The following PIP5K1B variants were observed in gnomAD, a reference collection of about 807,000 sequenced individuals.
The protein encoded by PIP5K1B is phosphatidylinositol 4-phosphate 5-kinase type-1 beta.
PIP5K1B carries 42 observed loss-of-function variants against 67.0 expected under a neutral mutation model. The observed-to-expected ratio is 0.63, with a 90% CI of 0.49 to 0.81. PIP5K1B has a LOEUF of 0.81. PIP5K1B is among the 30% of genes least tolerant of loss of function. The pLI is 0.00. For missense variants in PIP5K1B, 459 were observed against 646.3 expected, an observed-to-expected ratio of 0.71 and a Z score of 3.14; for synonymous variants, 214 against 231.4, an observed-to-expected ratio of 0.92 and a Z score of 0.68.
At chr9:68,715,621 C>T (rs945536625) in intron 1 of PIP5K1B, among the ~76,000 whole-genome samples, 1 of 152,162 alleles carries the variant, frequency 6.6e-6, no homozygotes, top group Non-Finnish European at 1.5e-5. Flanking sequence ...GTTTCCTCGC[C>T]CCCACCAGCT....
chr9:68,903,644 G>C (rs941526957), intron 8 of PIP5K1B, among the ~76,000 whole-genome samples: 5 of 152,164 alleles, frequency 3.3e-5, no homozygotes, highest in African/African-American at 1.2e-4. Context: ...TGAGCTGCTG[G>C]CAGCAACAGA....
intron 12 of PIP5K1B, 112 bp from the exon 13 acceptor site, chr9:68,934,778 T>C: frequency 1.4e-6 from 1 of 717,148 alleles, no homozygotes; most frequent in East Asian, 3.2e-5. Flanking sequence ...TCTTGTCTTC[T>C]ATTCAAATAA....
At chr9:69,000,111 A>G (rs1049496625) in intron 15 of PIP5K1B, among the ~76,000 whole-genome samples, 3 of 152,092 alleles carry the variant, frequency 2.0e-5, no homozygotes, top group African/African-American at 4.8e-5. Context: ...CCCCTCATCC[A>G]TCAAGGCCAG....
At chr9:68,809,181 AAACTATGT>A (rs1833027878) in intron 2 of PIP5K1B, among the ~76,000 whole-genome samples, 1 of 152,220 alleles carries the variant, frequency 6.6e-6, no homozygotes, top group Non-Finnish European at 1.5e-5. Flanking sequence ...TCTGCTTTGG[AAACTATGT>A]TAAGGATTGT....
chr9:68,940,423 G>A (rs1294157982), intron 13 of PIP5K1B, among the ~76,000 whole-genome samples: 4 of 151,926 alleles, frequency 2.6e-5, no homozygotes, highest in African/African-American at 9.7e-5. Context: ...ATTTCCATGA[G>A]CCATTTTGTA....
Position 68,840,581 on chromosome 9 carries a change from C to G in PIP5K1B, c.69+17898C>G, listed in dbSNP as rs547042057. The stretch of plus-strand genomic sequence containing the variant: ...CCTTATGGAGGCTCTAGGAGAGAAG[C>G]CTTTTCCACAGGGGCCACTTACATT... On this transcript the variant is annotated intron_variant, in intron 4 of 15. Transcript: ENST00000265382. 2.0e-5 allele frequency among the ~76,000 whole-genome samples: 3 copies of G among 152,280 alleles called. No homozygotes were observed. The East Asian group carries it at 5.8e-4, about 29-fold the overall frequency.
intron 2 of PIP5K1B, 24 bp downstream of exon 2, chr9:68,742,681 T>A (rs2132321133): frequency 6.6e-6 from 1 of 152,318 alleles, no homozygotes; most frequent in East Asian, 1.9e-4. Context: ...AAATACCTAT[T>A]TTAAAGCAGT....
chr9:68,756,333 T>C (rs976786473), intron 2 of PIP5K1B, among the ~76,000 whole-genome samples: 6 of 152,242 alleles, frequency 3.9e-5, no homozygotes, highest in African/African-American at 1.4e-4. Context: ...TATTCTTATT[T>C]TGTCAGCTTG....
Position 68,708,445 on chromosome 9 carries a change from G to C in PIP5K1B, c.-243+2683G>C, listed in dbSNP as rs1312982183. 5.3e-5 allele frequency among the ~76,000 whole-genome samples: 8 copies of C among 152,178 alleles called. No homozygotes were observed. The South Asian group carries it at 1.7e-3, about 32-fold the overall frequency. On this transcript the variant is annotated intron_variant, in intron 1 of 15. Transcript: ENST00000265382. ...GAAGCTGGCGGGTACAGAGCCCATT[G>C]TTGCTCTCTTTTCTGAAGGCATCAT...
intron 4 of PIP5K1B, among the ~76,000 whole-genome samples, chr9:68,835,091 C>G (rs1834530492): frequency 6.6e-6 from 1 of 152,182 alleles, no homozygotes; most frequent in Admixed American, 6.5e-5. Flanking sequence ...AGTCAATGCC[C>G]TTTTCTTTGT....
intron 15 of PIP5K1B, 131 bp downstream of exon 15, chr9:68,991,388 CT>C (rs1564299480): frequency 1.6e-6 from 1 of 618,572 alleles, no homozygotes; most frequent in Non-Finnish European, 2.9e-6. Context: ...CGCCCTTTCA[CT>C]TCTGCAAATG....
chr9:68,867,279 G>A (rs1277831349), intron 5 of PIP5K1B, among the ~76,000 whole-genome samples: 2 of 152,220 alleles, frequency 1.3e-5, no homozygotes, highest in Non-Finnish European at 2.9e-5. Flanking sequence ...ACCCTGGCAG[G>A]TGCCGGCCTC....
In PIP5K1B at chr9:68,896,073, C is replaced by T. The variant is rs559386954; in HGVS notation, c.771+1435C>T. ...ACCAAGCAAACAGACGAACAAAAAACGTCCAGCAGATATTCAGATATCTGA... is the reference window on the plus strand; with the variant it reads ...ACCAAGCAAACAGACGAACAAAAAATGTCCAGCAGATATTCAGATATCTGA... On this transcript the variant is annotated intron_variant, in intron 8 of 15. Transcript: ENST00000265382. 3.3e-5 allele frequency among the ~76,000 whole-genome samples: 5 copies of T among 152,208 alleles called. No individual in the cohort carries two copies. In the East Asian group the frequency reaches 7.7e-4, roughly 24 times the overall value.
At chr9:68,830,987 A>AT (rs985080036) in intron 4 of PIP5K1B, among the ~76,000 whole-genome samples, 15 of 152,088 alleles carry the variant, frequency 9.9e-5, no homozygotes, top group Admixed American at 2.6e-4. Context: ...CATAAAAGAG[A>AT]TTTTTTTTAA....
At position 68,843,528 on chromosome 9, in the gene PIP5K1B, T is replaced by C. The variant is rs145156145; in HGVS notation, c.70-20309T>C. Among the ~76,000 whole-genome samples the C allele has an allele frequency of 2.9e-3, 445 of 152,280 alleles. 1 individual carries two copies. Among genetic ancestry groups the C allele is most frequent in the African/African-American group, 0.01 (420 of 41,568 alleles). ...AATCATGCTTATTGTGTAGGGCTGATGGCAAGGTGATTCCCCTCCATGGCC... is the reference window on the plus strand; with the variant it reads ...AATCATGCTTATTGTGTAGGGCTGACGGCAAGGTGATTCCCCTCCATGGCC... On this transcript the variant is annotated intron_variant, in intron 4 of 15. Transcript: ENST00000265382.
chr9:68,824,727 G>T (rs1833897581), intron 4 of PIP5K1B, among the ~76,000 whole-genome samples: 2 of 152,198 alleles, frequency 1.3e-5, no homozygotes, highest in Admixed American at 1.3e-4. Flanking sequence ...ATCGCTTAGA[G>T]AGAGTGTTGT....
intron 14 of PIP5K1B, among the ~76,000 whole-genome samples, chr9:68,950,045 A>G (rs1461788431): frequency 5.9e-5 from 9 of 152,252 alleles, no homozygotes; most frequent in Admixed American, 3.3e-4. Context: ...GCTTTAGGCT[A>G]AACTTCATTT....
rs564679030 is a variant in PIP5K1B, at chr9:68,725,170, T to A, written c.-242-17331T>A. 1.1e-4 allele frequency among the ~76,000 whole-genome samples: 17 copies of A among 152,302 alleles called. No homozygotes were observed. The East Asian group carries it at 3.1e-3, about 28-fold the overall frequency. On this transcript the variant is annotated intron_variant, in intron 1 of 15. Coordinates refer to ENST00000265382, the MANE Select transcript of PIP5K1B (RefSeq NM_003558.4). ...AGAGTTTATCTCCTGGTCTCATTGG[T>A]CAAACTTCCTGTGTTTTAAAATGGC...
intron 8 of PIP5K1B, 25 bp downstream of exon 8, chr9:68,894,663 T>TAGGG (rs1464593532): frequency 6.2e-7 from 1 of 1,606,222 alleles, no homozygotes; most frequent in South Asian, 1.1e-5. Context: ...TTGTTGTGAT[T>TAGGG]TCCTTTGAAC....
Sources: allele counts gnomAD v4.1 joint callset (sites outside exome capture counted in the v4.1 genomes callset), GRCh38; gene constraint gnomAD v4.1.1; transcripts MANE v1.5; gene names NCBI Gene and HGNC (gene_info 2026-07-23, HGNC 2026-07-21).